CIROZ: variants seen among roughly 807,000 people sequenced by gnomAD.
CIROZ encodes the protein ciliated left-right organizer ZP-N domains-containing protein.
the CIROZ span, among the ~76,000 whole-genome samples, chr1:10,967,906 G>A: frequency 1.5e-4 from 23 of 152,154 alleles, no homozygotes; most frequent in Non-Finnish European, 2.9e-5. Context: ...CCCAGGAGGC[G>A]GAGGTTGCAG....
chr1:10,970,187 A>C, the CIROZ span: 30 of 1,147,740 alleles, frequency 2.6e-5, no homozygotes, highest in Non-Finnish European at 3.2e-5. Flanking sequence ...GAAAAGAAGG[A>C]GCTCCTCTCA....
At chr1:10,966,367 C>T in the CIROZ span, 1 of 1,525,646 alleles carries the variant, frequency 6.6e-7, no homozygotes, top group Non-Finnish European at 8.7e-7. Flanking sequence ...CCTCTTTCTG[C>T]ACAAAGCAGG....
the CIROZ span, among the ~76,000 whole-genome samples, chr1:10,954,437 G>C: frequency 8.7e-4 from 126 of 144,112 alleles, no homozygotes; most frequent in Non-Finnish European, 1.3e-3. Context: ...CTGGGCAACA[G>C]AGCGAGACTC....
At chr1:10,963,590 G>A in the CIROZ span, among the ~76,000 whole-genome samples, 1 of 152,026 alleles carries the variant, frequency 6.6e-6, no homozygotes, top group Admixed American at 6.6e-5. Context: ...ATGAGAGCTA[G>A]AGAGAAACTT....
At chr1:10,949,552 G>A in the CIROZ span, 1 of 1,525,580 alleles carries the variant, frequency 6.6e-7, no homozygotes, top group Non-Finnish European at 8.9e-7. Flanking sequence ...GCCCAGCTGG[G>A]TCTACCGATA....
At chr1:10,947,931 T>C in the CIROZ span, 8 of 1,613,702 alleles carry the variant, frequency 5.0e-6, no homozygotes, top group South Asian at 7.7e-5. Context: ...AGGGGCTGAC[T>C]CCAGGTATCG....
At chr1:10,970,877 G>C in the CIROZ span, among the ~76,000 whole-genome samples, 1 of 150,864 alleles carries the variant, frequency 6.6e-6, no homozygotes, top group Non-Finnish European at 1.5e-5. Flanking sequence ...AGGCATGGGG[G>C]CTCATACCTG....
At chr1:10,975,867 G>A in the CIROZ span, among the ~76,000 whole-genome samples, 1 of 148,278 alleles carries the variant, frequency 6.7e-6, no homozygotes, top group Non-Finnish European at 1.5e-5. Context: ...GACAGGCCCG[G>A]CACACGACAC....
the CIROZ span, chr1:10,954,107 T>C: frequency 1.2e-6 from 2 of 1,613,364 alleles, no homozygotes. Flanking sequence ...TATAGAAAGC[T>C]TGTGTTCCCG....
the CIROZ span, among the ~76,000 whole-genome samples, chr1:10,975,955 G>A: frequency 6.6e-5 from 10 of 152,110 alleles, no homozygotes; most frequent in Admixed American, 6.6e-4. Context: ...AGCTAGCCAC[G>A]TGAGCTCCAG....
At chr1:10,966,243 C>T in the CIROZ span, 18 of 1,318,086 alleles carry the variant, frequency 1.4e-5, no homozygotes, top group East Asian at 4.7e-4. Context: ...TCTCCCTCAG[C>T]TCAGTTTCTG....
chr1:10,975,752 G>A, the CIROZ span, among the ~76,000 whole-genome samples: 2 of 152,070 alleles, frequency 1.3e-5, no homozygotes, highest in African/African-American at 4.8e-5. Context: ...TCCTGGCTCT[G>A]CTACTCATTG....
the CIROZ span, chr1:10,957,882 G>A: frequency 9.0e-7 from 1 of 1,113,796 alleles, no homozygotes; most frequent in South Asian, 1.5e-5. Flanking sequence ...ATCTAGGCCA[G>A]GAGGCAGGAC....
At chr1:10,951,302 C>T in the CIROZ span, among the ~76,000 whole-genome samples, 11 of 151,986 alleles carry the variant, frequency 7.2e-5, no homozygotes, top group South Asian at 6.2e-4. Context: ...TGGTGGCTCA[C>T]GCCTGTAATC....
the CIROZ span, among the ~76,000 whole-genome samples, chr1:10,958,971 C>G: frequency 6.6e-6 from 1 of 152,190 alleles, no homozygotes; most frequent in East Asian, 1.9e-4. Flanking sequence ...CAGCTGCCAT[C>G]CTAGGCCCGG....
the CIROZ span, among the ~76,000 whole-genome samples, chr1:10,971,661 C>G: frequency 6.6e-6 from 1 of 152,126 alleles, no homozygotes; most frequent in Non-Finnish European, 1.5e-5. Context: ...ACTTGAATCA[C>G]TGTTGGGAAT....
the CIROZ span, among the ~76,000 whole-genome samples, chr1:10,980,684 G>A: frequency 6.6e-6 from 1 of 152,218 alleles, no homozygotes; most frequent in African/African-American, 2.4e-5. Flanking sequence ...TGGCAGGTGG[G>A]GGGTAGACAG....
At chr1:10,967,307 T>C in the CIROZ span, among the ~76,000 whole-genome samples, 1 of 151,926 alleles carries the variant, frequency 6.6e-6, no homozygotes, top group African/African-American at 2.4e-5. Context: ...TATTTCTCAA[T>C]CATCCCAGGC....
chr1:10,975,996 T>TCA, the CIROZ span, among the ~76,000 whole-genome samples: 3 of 152,104 alleles, frequency 2.0e-5, no homozygotes, highest in Admixed American at 6.6e-5. Flanking sequence ...CGCTTCCTTG[T>TCA]TGGGAGAATG....
Sources: gnomAD v4.1 joint callset for allele counts (sites outside exome capture counted in the v4.1 genomes callset) on GRCh38, gnomAD v4.1.1 for gene constraint, MANE v1.5 for transcripts, NCBI Gene and HGNC (gene_info 2026-07-23, HGNC 2026-07-21) for gene names.